SMYD3: variants seen among roughly 807,000 people sequenced by gnomAD.
SMYD3 encodes the protein histone-lysine N-methyltransferase SMYD3.
Under a neutral mutation model 57.7 loss-of-function variants are expected in SMYD3, and 36 were observed. The observed-to-expected ratio is 0.62, with a 90% CI of 0.48 to 0.82. The LOEUF is 0.82. SMYD3 is among the 40% of genes least tolerant of loss of function. SMYD3 has a pLI of 0.00. For missense variants in SMYD3, 515 were observed against 538.8 expected, an observed-to-expected ratio of 0.96 and a Z score of 0.44; for synonymous variants, 211 against 195.0, an observed-to-expected ratio of 1.08 and a Z score of -0.68.
At chr1:245,859,726 C>T (rs1276627175) in intron 9 of SMYD3, among the ~76,000 whole-genome samples, 1 of 152,092 alleles carries the variant, frequency 6.6e-6, no homozygotes, top group Non-Finnish European at 1.5e-5. Context: ...CAGTGGAGCT[C>T]CAAATTCATC....
At chr1:246,327,405 C>A in intron 4 of SMYD3, 68 bp from the exon 5 acceptor site, 1 of 1,377,910 alleles carries the variant, frequency 7.3e-7, no homozygotes, top group South Asian at 1.3e-5. Flanking sequence ...TTCAAGTGTT[C>A]AATGCTGGCT....
chr1:245,817,188 A>C lies in SMYD3; in HGVS notation c.1076+41308T>G, dbSNP rs371190126. 3.5e-4 allele frequency among the ~76,000 whole-genome samples: 52 copies of C among 148,880 alleles called. No homozygotes were observed. The East Asian group carries it at 6.2e-3, about 18-fold the overall frequency. On this transcript the variant is annotated intron_variant, in intron 10 of 11. Transcript: ENST00000490107. ...GAGAGCAGTGGTTCTCCCAGCACGCAGCTGGAGATCTGAGAACGGGCAGAC... is the reference window on the plus strand; with the variant it reads ...GAGAGCAGTGGTTCTCCCAGCACGCCGCTGGAGATCTGAGAACGGGCAGAC...
intron 5 of SMYD3, among the ~76,000 whole-genome samples, chr1:246,230,658 T>C (rs1290352497): frequency 6.6e-6 from 1 of 152,194 alleles, no homozygotes; most frequent in Non-Finnish European, 1.5e-5. Context: ...AATAGTATCA[T>C]AATCTTTGTG....
intron 10 of SMYD3, among the ~76,000 whole-genome samples, chr1:245,825,592 C>T (rs2049440713): frequency 6.6e-6 from 1 of 152,172 alleles, no homozygotes; most frequent in African/African-American, 2.4e-5. Context: ...TTGTCCCCCT[C>T]TCTGTTCAGC....
intron 8 of SMYD3, among the ~76,000 whole-genome samples, chr1:245,878,297 G>C (rs1281889804): frequency 6.6e-6 from 1 of 152,172 alleles, no homozygotes; most frequent in Non-Finnish European, 1.5e-5. Flanking sequence ...GGGAAAGTGT[G>C]GGCACGTTTA....
intron 5 of SMYD3, among the ~76,000 whole-genome samples, chr1:246,173,950 G>A (rs2062389362): frequency 6.6e-6 from 1 of 151,962 alleles, no homozygotes; most frequent in Non-Finnish European, 1.5e-5. Flanking sequence ...AGGACTACAG[G>A]TGCGTGTCAC....
chr1:246,157,037 T>C (rs2062032979), intron 5 of SMYD3, among the ~76,000 whole-genome samples: 2 of 152,216 alleles, frequency 1.3e-5, no homozygotes, highest in South Asian at 4.1e-4. Context: ...CCGCAAAGCT[T>C]AAACCTTCGC....
chr1:246,408,103 A>G (rs1401370083), intron 1 of SMYD3, among the ~76,000 whole-genome samples: 1 of 151,790 alleles, frequency 6.6e-6, no homozygotes, highest in African/African-American at 2.4e-5. Context: ...TGCCTTCCTG[A>G]GCTAATTACC....
intron 5 of SMYD3, among the ~76,000 whole-genome samples, chr1:246,013,020 C>A (rs980732828): frequency 2.6e-5 from 4 of 151,344 alleles, no homozygotes; most frequent in African/African-American, 9.7e-5. Context: ...TACATTCCCA[C>A]AAGGAAAACA....
intron 5 of SMYD3, among the ~76,000 whole-genome samples, chr1:246,217,698 A>C (rs963869060): frequency 1.3e-5 from 2 of 152,168 alleles, no homozygotes; most frequent in Non-Finnish European, 2.9e-5. Context: ...AGGAAGGATA[A>C]AGAAAATTTT....
intron 5 of SMYD3, among the ~76,000 whole-genome samples, chr1:245,969,526 G>C (rs2058242592): frequency 6.6e-6 from 1 of 152,170 alleles, no homozygotes; most frequent in African/African-American, 2.4e-5. Flanking sequence ...AAATCAGTCA[G>C]CACAAACTCA....
intron 1 of SMYD3, 47 bp downstream of exon 1, chr1:246,507,007 C>A: frequency 1.5e-6 from 2 of 1,318,570 alleles, no homozygotes; most frequent in South Asian, 1.5e-5. Context: ...CTCCCCAGCA[C>A]CCCACACAGC....
At position 246,469,468 on chromosome 1, in the gene SMYD3, A is replaced by G. The variant is rs932808918; in HGVS notation, c.164+37586T>C. ...GGACTGGAACATTTTGTCATTCCAGAGAGTAAGAAAGTGTTCCTAAAAATT... is the reference window on the plus strand; with the variant it reads ...GGACTGGAACATTTTGTCATTCCAGGGAGTAAGAAAGTGTTCCTAAAAATT... On this transcript the variant is annotated intron_variant, in intron 1 of 11. Transcript: ENST00000490107. 3.3e-5 allele frequency among the ~76,000 whole-genome samples: 5 copies of G among 152,220 alleles called. No homozygotes were observed. The South Asian group carries it at 6.2e-4, about 19-fold the overall frequency.
At chr1:245,766,254 T>G (rs2046091899) in intron 10 of SMYD3, among the ~76,000 whole-genome samples, 1 of 151,656 alleles carries the variant, frequency 6.6e-6, no homozygotes, top group Admixed American at 6.6e-5. Flanking sequence ...AATACAAAAT[T>G]TAGCTGGACG....
At chr1:245,887,916 G>C (rs561423076) in intron 8 of SMYD3, among the ~76,000 whole-genome samples, 34 of 152,288 alleles carry the variant, frequency 2.2e-4, no homozygotes, top group African/African-American at 7.7e-4. Flanking sequence ...CAGGTTTGCT[G>C]AAAGACTGGA....
rs552703008 is a variant in SMYD3, at chr1:246,461,774, C to T, written c.164+45280G>A. ...AAAATTAAAATTGAGAAAATGTATT[C>T]GCAAACTTTGTTTTCTCAGACACAG... On this transcript the variant is annotated intron_variant, in intron 1 of 11. Coordinates refer to ENST00000490107, the MANE Select transcript of SMYD3 (RefSeq NM_001167740.2). Among the ~76,000 whole-genome samples, 11 of 150,230 alleles carry T rather than the reference C, an allele frequency of 7.3e-5. No homozygotes were observed. The South Asian group carries it at 1.5e-3, about 20-fold the overall frequency.
intron 1 of SMYD3, among the ~76,000 whole-genome samples, chr1:246,495,624 T>C (rs1296561290): frequency 6.6e-6 from 1 of 152,132 alleles, no homozygotes; most frequent in Non-Finnish European, 1.5e-5. Context: ...TATCAGTTTA[T>C]GAACAATTTT....
intron 5 of SMYD3, among the ~76,000 whole-genome samples, chr1:246,128,773 G>T (rs184390070): frequency 0.015 from 2,215 of 152,070 alleles, 57 homozygotes; most frequent in African/African-American, 0.051. Flanking sequence ...GCTCCATTGT[G>T]CGTGTGTGTG....
chr1:245,821,287 C>A (rs557487429), intron 10 of SMYD3, among the ~76,000 whole-genome samples: 4,018 of 149,818 alleles, frequency 0.027, 205 homozygotes, highest in African/African-American at 0.09. Flanking sequence ...ACAAAAGAAG[C>A]AATGGGGAAA....
Sources: allele counts gnomAD v4.1 joint callset (sites outside exome capture counted in the v4.1 genomes callset), GRCh38; gene constraint gnomAD v4.1.1; transcripts MANE v1.5; gene names NCBI Gene and HGNC (gene_info 2026-07-23, HGNC 2026-07-21).